The following ERG variants were observed in gnomAD, a reference collection of about 807,000 sequenced individuals.
ERG encodes ETS transcription factor ERG, also known as transcriptional regulator ERG.
Under a neutral mutation model 55.3 loss-of-function variants are expected in ERG, and 9 were observed. The observed-to-expected ratio is 0.16, with a 90% CI of 0.10 to 0.28. The LOEUF is 0.28. Ranked by LOEUF, ERG falls within the 10% of genes least tolerant of loss-of-function variation. ERG has a pLI of 1.00. For synonymous variants in ERG, 223 were observed against 237.3 expected (o/e 0.94, Z 0.55); for missense variants, 434 against 631.6 (o/e 0.69, Z 3.35).
intron 1 of ERG, among the ~76,000 whole-genome samples, chr21:38,604,730 G>A (rs77895524): frequency 6.2e-4 from 95 of 152,270 alleles, no homozygotes; most frequent in African/African-American, 2.1e-3. Context: ...GAACTCAACT[G>A]GCATATCCAC....
At chr21:38,628,424 T>C (rs1183590119) in intron 1 of ERG, among the ~76,000 whole-genome samples, 1 of 152,198 alleles carries the variant, frequency 6.6e-6, no homozygotes, top group Non-Finnish European at 1.5e-5. Context: ...CATTAATGAC[T>C]GATGGGCTCC....
At chr21:38,634,519 A>G (rs527656677) in intron 1 of ERG, among the ~76,000 whole-genome samples, 17 of 152,026 alleles carry the variant, frequency 1.1e-4, no homozygotes, top group Non-Finnish European at 2.5e-4. Context: ...GTAGATAACA[A>G]TCAACCTCTC....
intron 3 of ERG, 89 bp from the exon 4 acceptor site, chr21:38,403,798 C>T: frequency 4.0e-6 from 5 of 1,264,712 alleles, no homozygotes; most frequent in African/African-American, 1.5e-5. Context: ...GATTTCTGAC[C>T]AGCTGCCTTC....
rs1031734020 is a variant in ERG, at chr21:38,439,906, G to A, written c.236+5498C>T. 2.6e-5 allele frequency among the ~76,000 whole-genome samples: 4 copies of A among 152,114 alleles called. No individual in the cohort carries two copies. The South Asian group carries it at 6.2e-4, about 24-fold the overall frequency. The stretch of plus-strand genomic sequence containing the variant: ...CTCAAAGCACATGGCCTTTTTCTCC[G>A]TGGGTACTGGATGGATAGGGATGGA... On this transcript the variant is annotated intron_variant, in intron 2 of 9. Coordinates refer to ENST00000288319, the MANE Select transcript of ERG (RefSeq NM_182918.4).
chr21:38,564,965 T>C (rs2059914121), intron 2 of ERG, among the ~76,000 whole-genome samples: 1 of 152,224 alleles, frequency 6.6e-6, no homozygotes, highest in African/African-American at 2.4e-5. Context: ...ACAATTTGGA[T>C]ATCCAACAGG....
At chr21:38,546,660 A>C (rs893107902) in intron 2 of ERG, among the ~76,000 whole-genome samples, 1 of 152,206 alleles carries the variant, frequency 6.6e-6, no homozygotes, top group African/African-American at 2.4e-5. Context: ...ACAATGAGGG[A>C]GAGCTGGAGG....
intron 1 of ERG, among the ~76,000 whole-genome samples, chr21:38,584,171 C>T (rs967524556): frequency 7.9e-5 from 12 of 152,148 alleles, no homozygotes; most frequent in Admixed American, 7.2e-4. Context: ...AAGGGAGGGA[C>T]TCATACATTC....
At chr21:38,568,280 G>A (rs2059935724) in intron 2 of ERG, among the ~76,000 whole-genome samples, 1 of 151,962 alleles carries the variant, frequency 6.6e-6, no homozygotes, top group Non-Finnish European at 1.5e-5. Context: ...TTAACATGGT[G>A]TGCATATTAT....
chr21:38,519,934 T>G (rs1458863145), intron 2 of ERG, among the ~76,000 whole-genome samples: 1 of 152,040 alleles, frequency 6.6e-6, no homozygotes, highest in African/African-American at 2.4e-5. Flanking sequence ...GAAACTCAGC[T>G]TGGACACTGA....
At chr21:38,643,650 G>A (rs1568969282) in intron 1 of ERG, among the ~76,000 whole-genome samples, 1 of 152,172 alleles carries the variant, frequency 6.6e-6, no homozygotes, top group Non-Finnish European at 1.5e-5. Context: ...ACACTCACAA[G>A]CTGCAAAGAG....
In ERG at chr21:38,383,395, C is replaced by T. The variant is rs185211409; in HGVS notation, c.*8G>A. ...TGCACGCTGATGGGAAAAGCCTCCG[C>T]CAGGTCTTTAGTAGTAAGTGCCCAG... On this transcript the variant is annotated 3_prime_UTR_variant, in exon 10 of 10. Transcript: ENST00000288319. The surrounding 1 kb of genome is among the most constrained non-coding windows in gnomAD (Gnocchi z 5.7). 8.1e-6 allele frequency: 12 copies of T among 1,485,394 alleles called. No homozygotes were observed. The African/African-American group carries it at 1.3e-4, about 16-fold the overall frequency. The allele number at this position is 1,485,394 out of a possible 1,614,324, so 92.0% of individuals were successfully genotyped here.
At chr21:38,575,895 G>A (rs2059991938) in intron 1 of ERG, 10 of 635,342 alleles carry the variant, frequency 1.6e-5, no homozygotes, top group Admixed American at 8.0e-5. Flanking sequence ...CTCTAGGTAC[G>A]TGTGGTCCAT....
chr21:38,521,932 G>A (rs1046931049), intron 2 of ERG, among the ~76,000 whole-genome samples: 1 of 152,088 alleles, frequency 6.6e-6, no homozygotes, highest in Non-Finnish European at 1.5e-5. Flanking sequence ...TTAAAAACAT[G>A]ATATGAATGA....
chr21:38,456,144 T>C (rs1290121855), intron 1 of ERG, among the ~76,000 whole-genome samples: 1 of 152,358 alleles, frequency 6.6e-6, no homozygotes, highest in East Asian at 1.9e-4. Flanking sequence ...CTGCAGTCTC[T>C]ACCTCCTCCA....
intron 1 of ERG, among the ~76,000 whole-genome samples, chr21:38,455,952 C>T (rs1601427969): frequency 6.7e-6 from 1 of 149,920 alleles, no homozygotes; most frequent in East Asian, 1.9e-4. Context: ...TAAGAAGAAG[C>T]CGCAAGACCA....
At chr21:38,659,478 C>G (rs1327471880) in intron 1 of ERG, among the ~76,000 whole-genome samples, 2 of 152,244 alleles carry the variant, frequency 1.3e-5, no homozygotes, top group Non-Finnish European at 2.9e-5. Flanking sequence ...GGGACTGTGA[C>G]AGTTCTCCCT....
At chr21:38,533,562 A>C (rs562373746) in intron 2 of ERG, among the ~76,000 whole-genome samples, 1 of 152,334 alleles carries the variant, frequency 6.6e-6, no homozygotes, top group South Asian at 2.1e-4. Flanking sequence ...AACTGTATTA[A>C]AATTCTTGTT....
intron 1 of ERG, among the ~76,000 whole-genome samples, chr21:38,484,491 C>T (rs1233980103): frequency 6.6e-6 from 1 of 152,176 alleles, no homozygotes; most frequent in East Asian, 1.9e-4. Context: ...AAACAATGAA[C>T]GTCCTTCATT....
chr21:38,581,219 G>A (rs563146087), intron 1 of ERG, among the ~76,000 whole-genome samples: 68 of 152,200 alleles, frequency 4.5e-4, no homozygotes, highest in Non-Finnish European at 7.9e-4. Context: ...TAGGCAGGAC[G>A]CTGGGCTGGG....
Sources: allele counts gnomAD v4.1 joint callset (sites outside exome capture counted in the v4.1 genomes callset), GRCh38; gene constraint gnomAD v4.1.1; non-coding constraint Gnocchi (gnomAD v3.1); transcripts MANE v1.5; gene names NCBI Gene and HGNC (gene_info 2026-07-23, HGNC 2026-07-21).